The following MEF2C variants were observed in gnomAD, a reference collection of about 807,000 sequenced individuals.
MEF2C encodes myocyte-specific enhancer factor 2C.
In MEF2C, 6 loss-of-function variants were observed where a neutral mutation model predicts 50.5. The ratio of observed to expected loss-of-function variants is 0.12; its 90% CI spans 0.07 to 0.23. The LOEUF (loss-of-function observed/expected upper bound fraction) is 0.23. Among genes scored for constraint, MEF2C ranks in the 10% least tolerant of loss-of-function variants. The pLI, the probability that MEF2C is intolerant of heterozygous loss-of-function variation, is 1.00. For missense variants in MEF2C, 276 were observed against 605.0 expected, an observed-to-expected ratio of 0.46 and a Z score of 5.70; for synonymous variants, 183 against 228.0, an observed-to-expected ratio of 0.80 and a Z score of 1.78.
chr5:88,870,559 A>G (rs1829197385), intron 1 of MEF2C, among the ~76,000 whole-genome samples: 1 of 152,128 alleles, frequency 6.6e-6, no homozygotes, highest in South Asian at 2.1e-4. Flanking sequence ...AAGACCTGGA[A>G]GAGAAAGTGT....
chr5:88,896,412 T>C (rs1835120430), intron 1 of MEF2C, among the ~76,000 whole-genome samples: 1 of 152,120 alleles, frequency 6.6e-6, no homozygotes, highest in Admixed American at 6.6e-5. Flanking sequence ...TTGAACAGGG[T>C]TTAAGAACTC....
chr5:88,854,155 A>G (rs887564316), intron 1 of MEF2C, among the ~76,000 whole-genome samples: 2 of 152,198 alleles, frequency 1.3e-5, no homozygotes, highest in Non-Finnish European at 2.9e-5. Context: ...CAAAGCTTTA[A>G]TCTATGAGAC....
intron 3 of MEF2C, among the ~76,000 whole-genome samples, chr5:88,780,166 A>AAAAGAT (rs1449775323): frequency 2.1e-4 from 32 of 152,114 alleles, no homozygotes; most frequent in Non-Finnish European, 1.8e-4. Flanking sequence ...AAGAAAAAGA[A>AAAAGAT]AAAAGAAAAA....
intron 2 of MEF2C, among the ~76,000 whole-genome samples, chr5:88,823,214 T>A (rs1809275072): frequency 2.0e-5 from 3 of 152,006 alleles, no homozygotes; most frequent in Admixed American, 2.0e-4. Context: ...TTTAAGTTAT[T>A]AATATCTTGT....
chr5:88,731,952 G>A (rs1271237428), intron 6 of MEF2C, 51 bp from the exon 7 acceptor site: 15 of 1,513,888 alleles, frequency 9.9e-6, no homozygotes, highest in Non-Finnish European at 1.3e-5. Flanking sequence ...GGTCAAATAC[G>A]TTTCCGAAGA....
intron 1 of MEF2C, among the ~76,000 whole-genome samples, chr5:88,829,840 A>C (rs142764133): frequency 1.3e-5 from 2 of 152,064 alleles, no homozygotes; most frequent in East Asian, 3.9e-4. Context: ...TGCCCTACCC[A>C]TAACTGGGAA....
chr5:88,737,645 T>C, intron 6 of MEF2C: 1 of 985,342 alleles, frequency 1.0e-6, no homozygotes, highest in Non-Finnish European at 1.2e-6. Flanking sequence ...TGAACAGGAA[T>C]TTATCAGATG....
chr5:88,790,624 A>T (rs921742465), intron 3 of MEF2C, among the ~76,000 whole-genome samples: 2 of 152,088 alleles, frequency 1.3e-5, no homozygotes, highest in Non-Finnish European at 2.9e-5. Flanking sequence ...TTGTAATTTA[A>T]TTATTTATTT....
At chr5:88,768,774 T>C in intron 3 of MEF2C, 1 of 722,370 alleles carries the variant, frequency 1.4e-6, no homozygotes, top group Non-Finnish European at 1.7e-6. Context: ...TTACTACCAT[T>C]TCACACTACG....
At chr5:88,723,175 G>A (rs1043499530) in intron 10 of MEF2C, among the ~76,000 whole-genome samples, 2 of 152,234 alleles carry the variant, frequency 1.3e-5, no homozygotes, top group South Asian at 2.1e-4. Context: ...TCTAGTCTCC[G>A]AGAGGCTCCC....
At chr5:88,858,673 T>A (rs1824380098) in intron 1 of MEF2C, among the ~76,000 whole-genome samples, 1 of 152,190 alleles carries the variant, frequency 6.6e-6, no homozygotes, top group Non-Finnish European at 1.5e-5. Flanking sequence ...TAATCCTGGA[T>A]CAGTTAGTTA....
chr5:88,755,024 G>C (rs1446678427), intron 4 of MEF2C, among the ~76,000 whole-genome samples: 1 of 152,086 alleles, frequency 6.6e-6, no homozygotes, highest in Non-Finnish European at 1.5e-5. Flanking sequence ...CCTGCAATTT[G>C]TCCTGCCCCT....
chr5:88,773,408 T>C (rs1580446251), intron 3 of MEF2C, among the ~76,000 whole-genome samples: 2 of 152,176 alleles, frequency 1.3e-5, no homozygotes, highest in South Asian at 4.1e-4. Flanking sequence ...ACTTAAATTA[T>C]AAAAGGAAAA....
chr5:88,798,468 T>C (rs1580877552), intron 3 of MEF2C, among the ~76,000 whole-genome samples: 1 of 152,058 alleles, frequency 6.6e-6, no homozygotes, highest in Non-Finnish European at 1.5e-5. Flanking sequence ...AAAGTTCTTG[T>C]GCTGTGTTTT....
At position 88,741,437 on chromosome 5, in the gene MEF2C, C is replaced by CT. The variant is rs1288328586; in HGVS notation, c.637+7632dup. On this transcript the variant is annotated intron_variant, in intron 6 of 10. Transcript: ENST00000504921. ...CCTAAAATAATTTGTATATCACATACTTTCCTTGGTTGTTTTATTTTTTTG... is the reference window on the plus strand; with the variant it reads ...CCTAAAATAATTTGTATATCACATACTTTTCCTTGGTTGTTTTATTTTTTTG... The CT allele has an allele frequency of 1.0e-5, 10 of 985,302 alleles. No individual in the cohort carries two copies. In the African/African-American group the frequency reaches 1.7e-4, roughly 17 times the overall value. 61.0% of individuals were successfully genotyped at this position (985,302 alleles called of 1,614,324 possible).
intron 3 of MEF2C, among the ~76,000 whole-genome samples, chr5:88,793,248 C>T (rs1794592823): frequency 6.6e-6 from 1 of 152,040 alleles, no homozygotes; most frequent in Non-Finnish European, 1.5e-5. Context: ...AGTAGAGATC[C>T]AGTAAGGAAT....
At chr5:88,855,620 G>A (rs1393238456) in intron 1 of MEF2C, among the ~76,000 whole-genome samples, 1 of 152,158 alleles carries the variant, frequency 6.6e-6, no homozygotes, top group Non-Finnish European at 1.5e-5. Context: ...CTGAATCATA[G>A]GGGAGGTTTC....
chr5:88,784,254 T>C (rs1371590718), intron 3 of MEF2C, among the ~76,000 whole-genome samples: 3 of 152,210 alleles, frequency 2.0e-5, no homozygotes, highest in Non-Finnish European at 2.9e-5. Context: ...AAATCCACAA[T>C]GATTTGGAGG....
In MEF2C at chr5:88,768,603, A is replaced by G. The variant is rs1017582111; in HGVS notation, c.259-7275T>C. ...ATCTCGTATCACCAGAACTTAGCAC[A>G]AGGCCTGGCAAGTGGTCGGAACTTA... On this transcript the variant is annotated intron_variant, in intron 3 of 10. Transcript: ENST00000504921. 5 of 753,580 alleles carry G rather than the reference A, an allele frequency of 6.6e-6. No individual in the cohort carries two copies. In the African/African-American group the frequency reaches 7.5e-5, roughly 11 times the overall value. 46.7% of individuals were successfully genotyped at this position (753,580 alleles called of 1,614,324 possible). A position where few individuals can be genotyped will look rare whatever the true frequency, so the allele number is the denominator to read the frequency against.
Sources: gnomAD v4.1 joint callset for allele counts (sites outside exome capture counted in the v4.1 genomes callset) on GRCh38, gnomAD v4.1.1 for gene constraint, MANE v1.5 for transcripts, NCBI Gene and HGNC (gene_info 2026-07-23, HGNC 2026-07-21) for gene names.